The following CAMK1D variants were observed in gnomAD, a reference collection of about 807,000 sequenced individuals.
The protein encoded by CAMK1D is calcium/calmodulin dependent protein kinase ID, also known as calcium/calmodulin-dependent protein kinase type 1D.
Under a neutral mutation model 47.7 loss-of-function variants are expected in CAMK1D, and 9 were observed. The ratio of observed to expected loss-of-function variants is 0.19; its 90% CI spans 0.11 to 0.33. The LOEUF is 0.33. Ranked by LOEUF, CAMK1D falls within the 10% of genes least tolerant of loss-of-function variation. The probability of loss-of-function intolerance (pLI) is 1.00; values close to 1 mark genes in which losing one functional copy is unlikely to be tolerated. For missense variants in CAMK1D, 291 were observed against 488.7 expected, an observed-to-expected ratio of 0.60 and a Z score of 3.81; for synonymous variants, 184 against 184.9, an observed-to-expected ratio of 0.99 and a Z score of 0.04.
chr10:12,759,913 T>C (rs954583979), intron 3 of CAMK1D, among the ~76,000 whole-genome samples: 1 of 152,252 alleles, frequency 6.6e-6, no homozygotes, highest in Non-Finnish European at 1.5e-5. Flanking sequence ...TCTTTTGTTA[T>C]ATCTGTGAAA....
intron 2 of CAMK1D, among the ~76,000 whole-genome samples, chr10:12,569,534 C>A (rs1031375001): frequency 2.0e-5 from 3 of 146,578 alleles, no homozygotes; most frequent in African/African-American, 7.8e-5. Context: ...GACGGTGAAA[C>A]CCCATCTCTA....
At chr10:12,660,554 A>G (rs1840246235) in intron 2 of CAMK1D, among the ~76,000 whole-genome samples, 2 of 152,058 alleles carry the variant, frequency 1.3e-5, no homozygotes, top group Admixed American at 6.6e-5. Flanking sequence ...TACTATATGG[A>G]CAGAAGTCTG....
rs528187545 is a variant in CAMK1D, at chr10:12,831,486, T to C, written c.*2599T>C. 5.3e-5 allele frequency: 8 copies of C among 152,314 alleles called. 3 individuals are homozygous for C. Among genetic ancestry groups the C allele is most frequent in the African/African-American group, 1.9e-4 (8 of 41,580 alleles). The allele number at this position is 152,314 out of a possible 1,614,324, so 9.4% of individuals were successfully genotyped here. A position where few individuals can be genotyped will look rare whatever the true frequency, so the allele number is the denominator to read the frequency against. On this transcript the variant is annotated 3_prime_UTR_variant, in exon 11 of 11. Transcript: ENST00000619168. Reference sequence around the variant, plus strand: ...TGAAGCTGAGTTCCATTACTGGTGATTGAAGTATTTTCAGGAGCAGATACA... The same window carrying C: ...TGAAGCTGAGTTCCATTACTGGTGACTGAAGTATTTTCAGGAGCAGATACA...
At position 12,671,346 on chromosome 10, in the gene CAMK1D, C is replaced by CTT. The variant is rs35207765; in HGVS notation, c.299+4548_299+4549dup. Reference sequence around the variant, plus strand: ...GAAATTGCCGGGTCGAATGATAGCTCTTTTTTTTTTTTTAACATTTTGAGA... The same window carrying CTT: ...GAAATTGCCGGGTCGAATGATAGCTCTTTTTTTTTTTTTTTAACATTTTGAGA... On this transcript the variant is annotated intron_variant, in intron 3 of 10. Coordinates refer to ENST00000619168, the MANE Select transcript of CAMK1D (RefSeq NM_153498.4). 1.6e-3 allele frequency among the ~76,000 whole-genome samples: 232 copies of CTT among 142,582 alleles called. 1 individual carries two copies. Among genetic ancestry groups the CTT allele is most frequent in the African/African-American group, 5.5e-3 (214 of 38,978 alleles). The allele number at this position is 142,582 out of a possible 152,430, so 93.5% of individuals were successfully genotyped here.
At chr10:12,428,742 AT>A (rs1374701746) in intron 1 of CAMK1D, among the ~76,000 whole-genome samples, 2 of 152,178 alleles carry the variant, frequency 1.3e-5, no homozygotes, top group Non-Finnish European at 2.9e-5. Context: ...CTCTGTTGAA[AT>A]TCTCACTCCC....
At chr10:12,421,266 A>G (rs1289194805) in intron 1 of CAMK1D, among the ~76,000 whole-genome samples, 1 of 152,202 alleles carries the variant, frequency 6.6e-6, no homozygotes, top group East Asian at 1.9e-4. Context: ...TTTACTGTGC[A>G]GAGAAAAATC....
At chr10:12,542,906 C>T (rs954138986) in intron 1 of CAMK1D, among the ~76,000 whole-genome samples, 11 of 152,164 alleles carry the variant, frequency 7.2e-5, no homozygotes, top group South Asian at 6.2e-4. Flanking sequence ...CCACCATGCC[C>T]GGCTCATTTT....
At chr10:12,789,538 T>C (rs1837885606) in intron 5 of CAMK1D, among the ~76,000 whole-genome samples, 1 of 152,200 alleles carries the variant, frequency 6.6e-6, no homozygotes, top group Admixed American at 6.5e-5. Flanking sequence ...GTTCAAAGGA[T>C]TGTAGCAGAA....
At chr10:12,701,531 T>C (rs980126615) in intron 3 of CAMK1D, among the ~76,000 whole-genome samples, 1 of 152,192 alleles carries the variant, frequency 6.6e-6, no homozygotes, top group Non-Finnish European at 1.5e-5. Context: ...AGAGGCTGCA[T>C]TGCCCCCTCT....
intron 3 of CAMK1D, among the ~76,000 whole-genome samples, chr10:12,678,742 T>C (rs1840893861): frequency 1.3e-5 from 2 of 152,198 alleles, no homozygotes; most frequent in African/African-American, 4.8e-5. Context: ...TTGTCTCTTA[T>C]AACAGTTTTT....
At chr10:12,588,441 C>T (rs1837885636) in intron 2 of CAMK1D, among the ~76,000 whole-genome samples, 1 of 152,158 alleles carries the variant, frequency 6.6e-6, no homozygotes, top group African/African-American at 2.4e-5. Context: ...ACCGTGCTCT[C>T]AATAAGTGCT....
At chr10:12,377,502 T>A (rs1838219109) in intron 1 of CAMK1D, among the ~76,000 whole-genome samples, 2 of 152,258 alleles carry the variant, frequency 1.3e-5, no homozygotes, top group African/African-American at 4.8e-5. Context: ...ATTTTTTTGT[T>A]TTTGTTGCTG....
chr10:12,367,022 T>G (rs1000681547), intron 1 of CAMK1D, among the ~76,000 whole-genome samples: 81 of 152,278 alleles, frequency 5.3e-4, no homozygotes, highest in African/African-American at 1.8e-3. Context: ...TCATGACCAC[T>G]TCTAAACACA....
intron 1 of CAMK1D, among the ~76,000 whole-genome samples, chr10:12,455,982 A>G (rs1390724397): frequency 3.9e-5 from 6 of 152,232 alleles, no homozygotes; most frequent in Non-Finnish European, 8.8e-5. Context: ...GTTCTAAGTC[A>G]GAAGGTCAAT....
chr10:12,602,271 C>T (rs1046353127), intron 2 of CAMK1D, among the ~76,000 whole-genome samples: 1 of 152,072 alleles, frequency 6.6e-6, no homozygotes, highest in African/African-American at 2.4e-5. Flanking sequence ...CACTATATTG[C>T]CCAGACCTGG....
chr10:12,814,440 G>A, intron 7 of CAMK1D, 133 bp downstream of exon 7: 2 of 551,150 alleles, frequency 3.6e-6, no homozygotes, highest in South Asian at 5.2e-5. Flanking sequence ...GTTGGCTGCT[G>A]TAACAAGATA....
chr10:12,627,147 T>A (rs997660759), intron 2 of CAMK1D, among the ~76,000 whole-genome samples: 2 of 150,034 alleles, frequency 1.3e-5, no homozygotes, highest in Non-Finnish European at 3.0e-5. Context: ...AGTGGCTCGA[T>A]CTCCGCTCAC....
intron 2 of CAMK1D, among the ~76,000 whole-genome samples, chr10:12,581,470 T>G (rs1163251530): frequency 6.6e-6 from 1 of 152,186 alleles, no homozygotes; most frequent in Non-Finnish European, 1.5e-5. Flanking sequence ...CCACACTGTT[T>G]TCCATAGCGG....
chr10:12,721,389 A>G (rs1834368260), intron 3 of CAMK1D, among the ~76,000 whole-genome samples: 1 of 152,346 alleles, frequency 6.6e-6, no homozygotes, highest in African/African-American at 2.4e-5. Flanking sequence ...ATCACAGGAA[A>G]TGTATCGGCG....
Sources: allele counts gnomAD v4.1 joint callset (sites outside exome capture counted in the v4.1 genomes callset), GRCh38; gene constraint gnomAD v4.1.1; transcripts MANE v1.5; gene names NCBI Gene and HGNC (gene_info 2026-07-23, HGNC 2026-07-21).